CELF2: variants seen among roughly 807,000 people sequenced by gnomAD.
The protein encoded by CELF2 is CUG triplet repeat RNA-binding protein 2.
CELF2 carries 8 observed loss-of-function variants against 62.6 expected under a neutral mutation model. That is an observed-to-expected ratio of 0.13 (90% CI 0.07 to 0.23). CELF2 has a LOEUF of 0.23. Ranked by LOEUF, CELF2 falls within the 10% of genes least tolerant of loss-of-function variation. The probability of loss-of-function intolerance (pLI) is 1.00; values close to 1 mark genes in which losing one functional copy is unlikely to be tolerated. For synonymous variants in CELF2, 258 were observed against 250.0 expected (o/e 1.03, Z -0.30); for missense variants, 333 against 671.0 (o/e 0.50, Z 5.56).
chr10:11,017,287 CGTTTGT>C (rs2057381364), upstream of CELF2, among the ~76,000 whole-genome samples: 1 of 152,154 alleles, frequency 6.6e-6, no homozygotes, highest in South Asian at 2.1e-4. This position sits in a 1 kb window ranked among gnomAD's most constrained non-coding sequence, Gnocchi z 5.5. Context: ...TCATGATTAT[CGTTTGT>C]GTAGAAAACG....
Position 11,177,394 on chromosome 10 carries a change from T to C in CELF2, c.271+11712T>C, listed in dbSNP as rs2071589825. On this transcript the variant is annotated intron_variant, in intron 2 of 12. Coordinates refer to ENST00000633077, the MANE Select transcript of CELF2 (RefSeq NM_001326342.2). This position sits in a 1 kb window ranked among gnomAD's most constrained non-coding sequence, Gnocchi z 4.8. The stretch of plus-strand genomic sequence containing the variant: ...TAGCTTACCTTGGGTGTTTGTATTT[T>C]GTTGGCTTATGTTTGCATGTGTGAA... Among the ~76,000 whole-genome samples, 1 of 151,730 alleles carries C rather than the reference T, an allele frequency of 6.6e-6. No individual in the cohort carries two copies. Among genetic ancestry groups the C allele is most frequent in the Non-Finnish European group, 1.5e-5 (1 of 67,990 alleles).
rs1042203861 is a variant in CELF2, at chr10:10,995,087, C to G, written c.89+75088C>G. Among the ~76,000 whole-genome samples, 1 of 152,152 alleles carries G rather than the reference C, an allele frequency of 6.6e-6. No homozygotes were observed. Among genetic ancestry groups the G allele is most frequent in the Non-Finnish European group, 1.5e-5 (1 of 68,014 alleles). ...CCACAGCATTAGACACTGCATTATT[C>G]TTTGTTTCCCAAATTAAGCTGTGTC... On this transcript the variant is annotated intron_variant, in intron 2 of 13. Transcript: ENST00000636488. This position sits in a 1 kb window ranked among gnomAD's most constrained non-coding sequence, Gnocchi z 4.7.
chr10:10,695,196 G>A, the CELF2 span, among the ~76,000 whole-genome samples: 1 of 147,788 alleles, frequency 6.8e-6, no homozygotes, highest in Non-Finnish European at 1.5e-5. Flanking sequence ...TTTTAGGGCA[G>A]GCCTGGTGGT....
intron 1 of CELF2, among the ~76,000 whole-genome samples, chr10:11,129,385 G>A (rs2059259953): frequency 6.6e-6 from 1 of 152,146 alleles, no homozygotes; most frequent in Non-Finnish European, 1.5e-5. Flanking sequence ...GGATGATGCT[G>A]GCCTCATAAA....
At chr10:10,653,243 C>T in the CELF2 span, among the ~76,000 whole-genome samples, 4 of 152,008 alleles carry the variant, frequency 2.6e-5, no homozygotes, top group African/African-American at 7.2e-5. Context: ...TACAAAGAGA[C>T]TTAGACTCCC....
Position 11,306,924 on chromosome 10 carries a change from A to G in CELF2, c.977-7215A>G, listed in dbSNP as rs1359863726. Among the ~76,000 whole-genome samples, 2 of 152,334 alleles carry G rather than the reference A, an allele frequency of 1.3e-5. No individual in the cohort carries two copies. Among genetic ancestry groups the G allele is most frequent in the African/African-American group, 4.8e-5 (2 of 41,590 alleles). On this transcript the variant is annotated intron_variant, in intron 9 of 12. Transcript: ENST00000633077. This position sits in a 1 kb window ranked among gnomAD's most constrained non-coding sequence, Gnocchi z 4.4. The stretch of plus-strand genomic sequence containing the variant: ...TTGTCATCAATAACAAAAGGGGCCC[A>G]GGGAGTTTCTAGGCCGCCTCCACCT...
At chr10:11,256,564 GGCTA>G (rs1411829527) in intron 4 of CELF2, among the ~76,000 whole-genome samples, 1 of 149,574 alleles carries the variant, frequency 6.7e-6, no homozygotes, top group Admixed American at 6.7e-5. Flanking sequence ...GGCTGCAGCT[GGCTA>G]GCTTCTTTTT....
At chr10:10,818,593 G>A (rs10905836) in intron 1 of CELF2, among the ~76,000 whole-genome samples, 20,271 of 135,238 alleles carry the variant, frequency 0.15, 1,575 homozygotes, top group Non-Finnish European at 0.19. Context: ...ACTGTCTGTC[G>A]CCCAGGCTGG....
At chr10:11,099,884 CAAAAAAA>C (rs869282674) in intron 1 of CELF2, among the ~76,000 whole-genome samples, 1,336 of 93,510 alleles carry the variant, frequency 0.014, 22 homozygotes, top group African/African-American at 0.065. Flanking sequence ...ACAACAACAA[CAAAAAAA>C]AAAAAAAAAA....
the CELF2 span, among the ~76,000 whole-genome samples, chr10:10,506,587 A>G: frequency 1.3e-5 from 2 of 151,700 alleles, no homozygotes; most frequent in Non-Finnish European, 2.9e-5. Context: ...ATAAACTTGA[A>G]AAGCAGGAGT....
intron 2 of CELF2, among the ~76,000 whole-genome samples, chr10:11,216,111 A>G (rs1049575886): frequency 6.6e-6 from 1 of 152,184 alleles, no homozygotes; most frequent in Admixed American, 6.5e-5. Context: ...TGATCTTTGG[A>G]TGCGTGGAGT....
At chr10:10,612,799 C>G in the CELF2 span, among the ~76,000 whole-genome samples, 2 of 152,112 alleles carry the variant, frequency 1.3e-5, no homozygotes, top group African/African-American at 4.8e-5. Context: ...TTGTATCAGG[C>G]CCATGTAATT....
At chr10:10,894,818 G>A (rs763837865) in intron 1 of CELF2, among the ~76,000 whole-genome samples, 9 of 152,276 alleles carry the variant, frequency 5.9e-5, no homozygotes, top group African/African-American at 9.6e-5. Flanking sequence ...TGGGCACACC[G>A]GAAATCTACT....
the CELF2 span, among the ~76,000 whole-genome samples, chr10:10,657,684 A>C: frequency 6.6e-6 from 1 of 151,648 alleles, no homozygotes; most frequent in Admixed American, 6.5e-5. Flanking sequence ...ATCTACATAC[A>C]TATGTTATTA....
chr10:10,771,527 A>G, the CELF2 span, among the ~76,000 whole-genome samples: 1 of 152,148 alleles, frequency 6.6e-6, no homozygotes. Context: ...TACTCCCATA[A>G]TTCCTATGTA....
the CELF2 span, among the ~76,000 whole-genome samples, chr10:10,713,390 G>C: frequency 1.3e-5 from 2 of 152,290 alleles, no homozygotes; most frequent in Non-Finnish European, 2.9e-5. Context: ...CTGACACAGA[G>C]AACTTCAGTA....
At chr10:10,642,055 G>A in the CELF2 span, among the ~76,000 whole-genome samples, 2 of 152,152 alleles carry the variant, frequency 1.3e-5, no homozygotes, top group Non-Finnish European at 2.9e-5. Context: ...AGATAGTCAA[G>A]AAATGGATTC....
At chr10:11,275,404 A>G (rs2085675885) in intron 8 of CELF2, among the ~76,000 whole-genome samples, 1 of 152,182 alleles carries the variant, frequency 6.6e-6, no homozygotes, top group South Asian at 2.1e-4. Flanking sequence ...ACGACTCTCT[A>G]GTCATTTGTT....
At chr10:10,486,555 G>C in the CELF2 span, among the ~76,000 whole-genome samples, 1 of 152,004 alleles carries the variant, frequency 6.6e-6, no homozygotes, top group Non-Finnish European at 1.5e-5. Context: ...CAGATTTTTG[G>C]CCTTTTATTA....
Sources: gnomAD v4.1 joint callset for allele counts (sites outside exome capture counted in the v4.1 genomes callset) on GRCh38, gnomAD v4.1.1 for gene constraint, Gnocchi (gnomAD v3.1) non-coding constraint, MANE v1.5 for transcripts, NCBI Gene and HGNC (gene_info 2026-07-23, HGNC 2026-07-21) for gene names.